The following SUMF1 variants were observed in gnomAD, a reference collection of about 807,000 sequenced individuals.
SUMF1 encodes formylglycine-generating enzyme.
Under a neutral mutation model 47.6 loss-of-function variants are expected in SUMF1, and 48 were observed. The observed-to-expected ratio is 1.01, with a 90% CI of 0.80 to 1.28. The LOEUF (loss-of-function observed/expected upper bound fraction) is 1.28, where lower values mean the gene tolerates loss of function less well. SUMF1 is among the 50% of genes most tolerant of loss of function. SUMF1 has a pLI of 0.00. For synonymous variants in SUMF1, 230 were observed against 192.1 expected (o/e 1.20, Z -1.63); for missense variants, 571 against 485.4 (o/e 1.18, Z -1.66).
chr3:4,249,123 T>C (rs77504618), intron 8 of SUMF1, among the ~76,000 whole-genome samples: 177 of 152,344 alleles, frequency 1.2e-3, no homozygotes, highest in Non-Finnish European at 1.6e-3. Flanking sequence ...ATGCATTGGC[T>C]TCAAAATCAG....
intron 8 of SUMF1, chr3:4,313,735 C>A (rs771995560): frequency 1.1e-5 from 17 of 1,613,888 alleles, no homozygotes; most frequent in Non-Finnish European, 1.4e-5. Flanking sequence ...TTCTGTGTTC[C>A]CCTCCTGCAA....
At chr3:4,264,259 C>A (rs182831580) in intron 8 of SUMF1, among the ~76,000 whole-genome samples, 1 of 152,154 alleles carries the variant, frequency 6.6e-6, no homozygotes, top group Non-Finnish European at 1.5e-5. Context: ...ACTTCCCAGG[C>A]AGTTAGATAT....
intron 9 of SUMF1, among the ~76,000 whole-genome samples, chr3:4,063,275 AC>A (rs1388053055): frequency 6.6e-6 from 1 of 152,016 alleles, no homozygotes; most frequent in African/African-American, 2.4e-5. Flanking sequence ...GACCACTATA[AC>A]TGAACACAGG....
intron 8 of SUMF1, among the ~76,000 whole-genome samples, chr3:4,104,314 TC>T (rs1056122398): frequency 5.3e-5 from 8 of 152,102 alleles, no homozygotes; most frequent in Admixed American, 2.6e-4. Context: ...TTGTGAGGCC[TC>T]CCCAGTCATG....
At position 4,316,034 on chromosome 3, in the gene SUMF1, G is replaced by A. The variant is rs1433972727; in HGVS notation, c.1014+60296C>T. Among the ~76,000 whole-genome samples, 11 of 129,702 alleles carry A rather than the reference G, an allele frequency of 8.5e-5. 1 individual carries two copies. Among genetic ancestry groups the A allele is most frequent in the East Asian group, 2.1e-4 (1 of 4,772 alleles). 85.1% of individuals were successfully genotyped at this position (129,702 alleles called of 152,430 possible). A position where few individuals can be genotyped will look rare whatever the true frequency, so the allele number is the denominator to read the frequency against. On this transcript the variant is annotated intron_variant and NMD_transcript_variant, in intron 8 of 12. Coordinates refer to the SUMF1 transcript ENST00000448413. ...TGCACTCCAGCTTGGGTGACAGAGC[G>A]AGACTCTGTCTCAAAAAAAAAAAAA...
rs186307023 is a variant in SUMF1, at chr3:4,139,648, G to C, written c.1015-70903C>G. On this transcript the variant is annotated intron_variant and NMD_transcript_variant, in intron 8 of 12. Coordinates refer to the SUMF1 transcript ENST00000448413. ...AGTTGTTAATCATTTACCAGGGCAC[G>C]ACTGATTTTAGTGTTATCTTCCTGC... 2.6e-5 allele frequency among the ~76,000 whole-genome samples: 4 copies of C among 151,364 alleles called. No homozygotes were observed. In the East Asian group the frequency reaches 7.8e-4, roughly 29 times the overall value.
chr3:4,395,597 A>G (rs1177502826), intron 7 of SUMF1, among the ~76,000 whole-genome samples: 2 of 152,110 alleles, frequency 1.3e-5, no homozygotes, highest in African/African-American at 4.8e-5. Flanking sequence ...CCTCCACTGT[A>G]TTTTCTCTGT....
intron 8 of SUMF1, among the ~76,000 whole-genome samples, chr3:4,372,963 T>A (rs1207017477): frequency 6.6e-6 from 1 of 152,220 alleles, no homozygotes; most frequent in Non-Finnish European, 1.5e-5. Flanking sequence ...GCCATTTTTC[T>A]ATGGAAAATC....
chr3:4,273,851 A>AGGGCATGGGAAGGGAG (rs1697360960), intron 8 of SUMF1, among the ~76,000 whole-genome samples: 1 of 94,048 alleles, frequency 1.1e-5, no homozygotes. Context: ...GGGCATGGGA[A>AGGGCATGGGAAGGGAG]GGCAGGGCAG....
chr3:4,310,998 G>A (rs562071225), intron 8 of SUMF1, among the ~76,000 whole-genome samples: 2 of 152,352 alleles, frequency 1.3e-5, no homozygotes, highest in African/African-American at 4.8e-5. Flanking sequence ...GAGTTTGACT[G>A]ATAGAGCATC....
At chr3:4,353,426 G>T (rs1699548867) in intron 8 of SUMF1, among the ~76,000 whole-genome samples, 1 of 152,096 alleles carries the variant, frequency 6.6e-6, no homozygotes, top group African/African-American at 2.4e-5. Context: ...CTAATTTTTT[G>T]TATTTTTAGT....
chr3:4,344,724 A>C (rs1265371661), intron 8 of SUMF1, among the ~76,000 whole-genome samples: 3 of 152,124 alleles, frequency 2.0e-5, no homozygotes, highest in Admixed American at 2.0e-4. Context: ...ATGGGTAATA[A>C]AAAATTACGA....
At position 4,361,297 on chromosome 3, in the gene SUMF1, A is replaced by G. The variant is rs1412283223; in HGVS notation, c.*847T>C. The G allele has an allele frequency of 6.6e-6, 1 of 152,622 alleles. No homozygotes were observed. The highest frequency in any genetic ancestry group is 1.5e-5 in the Non-Finnish European group (1 of 68,044). The allele number at this position is 152,622 out of a possible 1,614,324, so 9.5% of individuals were successfully genotyped here. ...TCCTCGTTCCTTTTTCCCTATATCT[A>G]GAATTAAACAGGTTTCCCCGTTTAG... is the stretch of plus-strand genomic sequence containing the variant. On this transcript the variant is annotated 3_prime_UTR_variant, in exon 9 of 9. Transcript: ENST00000272902.
intron 8 of SUMF1, among the ~76,000 whole-genome samples, chr3:4,090,318 T>C (rs1019583933): frequency 6.6e-6 from 1 of 152,088 alleles, no homozygotes; most frequent in Non-Finnish European, 1.5e-5. Flanking sequence ...CTAGGTACTT[T>C]GGTTTTCTCT....
chr3:4,039,924 G>A (rs1336522756), intron 9 of SUMF1, among the ~76,000 whole-genome samples: 1 of 152,100 alleles, frequency 6.6e-6, no homozygotes, highest in African/African-American at 2.4e-5. Context: ...TTGGGAGCCT[G>A]AGATAGGAGG....
In SUMF1 at chr3:4,128,717, AG is replaced by A. The variant is rs568355914; in HGVS notation, c.1015-59973del. On this transcript the variant is annotated intron_variant and NMD_transcript_variant, in intron 8 of 12. Transcript: ENST00000448413. ...ATATAAATTAGAGTTTATATAAATTAGAAATTAGAAATAATTTATATAAACA... is the reference window on the plus strand; with the variant it reads ...ATATAAATTAGAGTTTATATAAATTAAAATTAGAAATAATTTATATAAACA... Among the ~76,000 whole-genome samples, 163 of 152,288 alleles carry A rather than the reference AG, an allele frequency of 1.1e-3. 1 individual carries two copies. Among genetic ancestry groups the A allele is most frequent in the African/African-American group, 3.8e-3 (156 of 41,552 alleles).
chr3:4,276,053 G>GT (rs1697408801), intron 8 of SUMF1, among the ~76,000 whole-genome samples: 1 of 152,116 alleles, frequency 6.6e-6, no homozygotes, highest in African/African-American at 2.4e-5. Flanking sequence ...GATCTGTGTG[G>GT]TTCCAAGTTC....
At chr3:4,092,993 A>G (rs927807968) in intron 8 of SUMF1, among the ~76,000 whole-genome samples, 1 of 152,102 alleles carries the variant, frequency 6.6e-6, no homozygotes, top group South Asian at 2.1e-4. Context: ...ATGTTTATAG[A>G]GATAGAAATG....
chr3:4,063,468 T>A (rs1158602710), intron 9 of SUMF1, among the ~76,000 whole-genome samples: 1 of 152,094 alleles, frequency 6.6e-6, no homozygotes, highest in Non-Finnish European at 1.5e-5. Flanking sequence ...ACATGGGATG[T>A]ATGTTATATA....
Sources: allele counts gnomAD v4.1 joint callset (sites outside exome capture counted in the v4.1 genomes callset), GRCh38; gene constraint gnomAD v4.1.1; transcripts MANE v1.5; gene names NCBI Gene and HGNC (gene_info 2026-07-23, HGNC 2026-07-21).